Variants in SAP30L observed in about 807,000 individuals in gnomAD.
The protein encoded by SAP30L is histone deacetylase complex subunit SAP30L.
Under a neutral mutation model 22.3 loss-of-function variants are expected in SAP30L, and 10 were observed. That is an observed-to-expected ratio of 0.45 (90% confidence interval 0.28 to 0.76). SAP30L has a LOEUF of 0.76. SAP30L is among the 30% of genes least tolerant of loss of function. The pLI, the probability that SAP30L is intolerant of heterozygous loss-of-function variation, is 0.14. For missense variants in SAP30L, 206 were observed against 237.9 expected, an observed-to-expected ratio of 0.87 and a Z score of 0.88; for synonymous variants, 91 against 94.1, an observed-to-expected ratio of 0.97 and a Z score of 0.19.
intron 1 of SAP30L, 78 bp downstream of exon 1, chr5:154,446,883 C>T (rs1757026629): frequency 1.6e-6 from 2 of 1,270,382 alleles, no homozygotes; most frequent in African/African-American, 3.1e-5. Flanking sequence ...AGTCGGGACT[C>T]CCCGGGCACT....
chr5:154,453,331 G>A (rs945595826), intron 2 of SAP30L, 71 bp from the exon 3 acceptor site: 4 of 1,030,792 alleles, frequency 3.9e-6, no homozygotes, highest in African/African-American at 1.6e-5. Context: ...GTAGTGCTAG[G>A]CACATAGTGG....
chr5:154,454,352 G>A (rs1327137905), intron 3 of SAP30L, among the ~76,000 whole-genome samples: 3 of 152,072 alleles, frequency 2.0e-5, no homozygotes, highest in Admixed American at 6.6e-5. Context: ...GAACTGCCTG[G>A]CTTGATAATT....
chr5:154,458,917 A>G lies in SAP30L; in HGVS notation c.*2889A>G, dbSNP rs760833367. 1 of 152,254 alleles carries G rather than the reference A, an allele frequency of 6.6e-6. No individual in the cohort carries two copies. The highest frequency in any genetic ancestry group is 1.5e-5 in the Non-Finnish European group (1 of 68,046). The allele number at this position is 152,254 out of a possible 1,614,324, so 9.4% of individuals were successfully genotyped here. A position where few individuals can be genotyped will look rare whatever the true frequency, so the allele number is the denominator to read the frequency against. On this transcript the variant is annotated 3_prime_UTR_variant, in exon 4 of 4. Transcript: ENST00000297109. ...TAAAATGAAGAGGAATTTTACTTAC[A>G]TGTTACAGCTGCCAAGTTTTTAGAT... is the stretch of plus-strand genomic sequence containing the variant.
Position 154,446,644 on chromosome 5 carries a change from CCCCCCGCCGCCCCAG to C in SAP30L, c.42_56del (p.Pro15_Ala19del), listed in dbSNP as rs1561698924. 6.5e-7 allele frequency: 1 copy of C among 1,529,874 alleles called. No homozygotes were observed. Among genetic ancestry groups the C allele is most frequent in the Non-Finnish European group, 8.8e-7 (1 of 1,140,452 alleles). 94.8% of individuals were successfully genotyped at this position (1,529,874 alleles called of 1,614,324 possible). Reference sequence around the variant, plus strand: ...CACGGAGGAGGACAGCCGCGAAGGGCCCCCCGCCGCCCCAGCTGCCGCCGCCCCGGGCTACGGCCA... The same window carrying C: ...CACGGAGGAGGACAGCCGCGAAGGGCCTGCCGCCGCCCCGGGCTACGGCCA... On this transcript the variant is annotated inframe_deletion, in exon 1 of 4. Transcript: ENST00000297109.
At chr5:154,452,756 G>A (rs1757173512) in intron 2 of SAP30L, among the ~76,000 whole-genome samples, 3 of 152,200 alleles carry the variant, frequency 2.0e-5, no homozygotes, top group Admixed American at 2.0e-4. Flanking sequence ...CCTCCTTTGT[G>A]CTCCTCTATC....
At chr5:154,446,828 C>T in intron 1 of SAP30L, 23 bp downstream of exon 1, 2 of 1,581,112 alleles carry the variant, frequency 1.3e-6, no homozygotes, top group Non-Finnish European at 1.7e-6. Flanking sequence ...CCGCTCGCGT[C>T]TGGGCCCCGG....
At position 154,446,054 on chromosome 5, in the gene SAP30L, C is replaced by G. The variant is rs1387336300; in HGVS notation, c.-551C>G. 1 of 150,886 alleles carries G rather than the reference C, an allele frequency of 6.6e-6. No individual in the cohort carries two copies. The highest frequency in any genetic ancestry group is 2.4e-5 in the African/African-American group (1 of 41,138). 9.3% of individuals were successfully genotyped at this position (150,886 alleles called of 1,614,324 possible). On this transcript the variant is annotated 5_prime_UTR_variant, in exon 1 of 4. Coordinates refer to ENST00000297109, the MANE Select transcript of SAP30L (RefSeq NM_024632.6). ...GCGGCCCAGGGGCTGCCGCGGGACTCGGGGCGCAGCCGAGTGGCTGCAGGG... is the reference window on the plus strand; with the variant it reads ...GCGGCCCAGGGGCTGCCGCGGGACTGGGGGCGCAGCCGAGTGGCTGCAGGG...
In SAP30L at chr5:154,458,268, T is replaced by C. The variant is rs1757304958; in HGVS notation, c.*2240T>C. 6.6e-6 allele frequency: 1 copy of C among 152,258 alleles called. No individual in the cohort carries two copies. Among genetic ancestry groups the C allele is most frequent in the Admixed American group, 6.5e-5 (1 of 15,292 alleles). 9.4% of individuals were successfully genotyped at this position (152,258 alleles called of 1,614,324 possible). Reference sequence around the variant, plus strand: ...AGGTTGTGGGCATCTTTTCAACCTTTTCAATCTGACCTTTCAACAGGTCAG... The same window carrying C: ...AGGTTGTGGGCATCTTTTCAACCTTCTCAATCTGACCTTTCAACAGGTCAG... On this transcript the variant is annotated 3_prime_UTR_variant, in exon 4 of 4. Transcript: ENST00000297109.
chr5:154,459,070 A>ATATCC lies in SAP30L; in HGVS notation c.*3044_*3048dup, dbSNP rs1757321726. On this transcript the variant is annotated 3_prime_UTR_variant, in exon 4 of 4. Coordinates refer to ENST00000297109, the MANE Select transcript of SAP30L (RefSeq NM_024632.6). The stretch of plus-strand genomic sequence containing the variant: ...TTATTTTGTGGGAAGCTTTTTGTTA[A>ATATCC]TATCCTGCAGGGCAACTGCCTGTTG... 6.6e-6 allele frequency: 1 copy of ATATCC among 152,226 alleles called. No homozygotes were observed. Among genetic ancestry groups the ATATCC allele is most frequent in the African/African-American group, 2.4e-5 (1 of 41,464 alleles). The allele number at this position is 152,226 out of a possible 1,614,324, so 9.4% of individuals were successfully genotyped here.
chr5:154,449,406 A>G (rs1757092762), intron 1 of SAP30L, among the ~76,000 whole-genome samples: 1 of 152,106 alleles, frequency 6.6e-6, no homozygotes, highest in South Asian at 2.1e-4. Flanking sequence ...TAGAAAACGG[A>G]TTGGGGTCAA....
intron 1 of SAP30L, among the ~76,000 whole-genome samples, chr5:154,447,832 A>C (rs1317640830): frequency 6.6e-6 from 1 of 152,172 alleles, no homozygotes; most frequent in African/African-American, 2.4e-5. Flanking sequence ...TCAGGTACAC[A>C]CAGCACCTAA....
intron 2 of SAP30L, chr5:154,453,119 C>A: frequency 6.5e-6 from 2 of 308,112 alleles, no homozygotes; most frequent in East Asian, 1.2e-4. Context: ...CCCCTATTCC[C>A]TACCGTTTCT....
intron 1 of SAP30L, among the ~76,000 whole-genome samples, chr5:154,447,479 T>G (rs1027975874): frequency 2.6e-5 from 4 of 152,264 alleles, no homozygotes; most frequent in Non-Finnish European, 5.9e-5. Context: ...CTGCTCTTTG[T>G]GGCTTATTAT....
In SAP30L at chr5:154,446,322, GCCCCCGGCAGAAGGCTCCTCCGGGTGA is replaced by G; in HGVS notation, c.-274_-248del. On this transcript the variant is annotated 5_prime_UTR_variant, in exon 1 of 4. Coordinates refer to ENST00000297109, the MANE Select transcript of SAP30L (RefSeq NM_024632.6). The stretch of plus-strand genomic sequence containing the variant: ...CCCCGCTGCAGGGTTACGGTTCTGG[GCCCCCGGCAGAAGGCTCCTCCGGGTGA>G]CCCCCGGCGGGGCCCTGCGAGCCGC... The G allele has an allele frequency of 2.9e-6, 1 of 344,566 alleles. No homozygotes were observed. The highest frequency in any genetic ancestry group is 5.2e-6 in the Non-Finnish European group (1 of 191,598). 21.3% of individuals were successfully genotyped at this position (344,566 alleles called of 1,614,324 possible).
At chr5:154,452,598 C>A in intron 2 of SAP30L, 2 of 462,692 alleles carry the variant, frequency 4.3e-6, no homozygotes, top group Non-Finnish European at 5.7e-6. Context: ...CCCTTCCCCT[C>A]TGTTATCCAG....
At chr5:154,453,294 C>G (rs1163799416) in intron 2 of SAP30L, 108 bp from the exon 3 acceptor site, 1 of 737,764 alleles carries the variant, frequency 1.4e-6, no homozygotes, top group Non-Finnish European at 2.3e-6. Context: ...CTTTTGAAGC[C>G]CTCCCCATCC....
chr5:154,450,976 CT>C (rs1757125372), intron 1 of SAP30L, 114 bp from the exon 2 acceptor site: 1 of 1,102,108 alleles, frequency 9.1e-7, no homozygotes, highest in Admixed American at 2.1e-5. Flanking sequence ...TACATCTTGT[CT>C]TCCATCTATC....
chr5:154,454,749 G>T (rs1033684835), intron 3 of SAP30L, among the ~76,000 whole-genome samples: 2 of 152,198 alleles, frequency 1.3e-5, no homozygotes, highest in African/African-American at 4.8e-5. Flanking sequence ...TGGGGCAAGA[G>T]GAGACCTGCA....
Position 154,459,870 on chromosome 5 carries a change from A to G in SAP30L, c.*3842A>G, listed in dbSNP as rs565025913. The G allele has an allele frequency of 3.3e-5, 5 of 152,208 alleles. No individual in the cohort carries two copies. Among genetic ancestry groups the G allele is most frequent in the African/African-American group, 7.2e-5 (3 of 41,450 alleles). The allele number at this position is 152,208 out of a possible 1,614,324, so 9.4% of individuals were successfully genotyped here. Reference sequence around the variant, plus strand: ...TTGCACTGTTTTTGCTGAGAAAACAACGCTTCAGGACTTAAGGTCTAAGCG... The same window carrying G: ...TTGCACTGTTTTTGCTGAGAAAACAGCGCTTCAGGACTTAAGGTCTAAGCG... On this transcript the variant is annotated 3_prime_UTR_variant, in exon 4 of 4. Coordinates refer to ENST00000297109, the MANE Select transcript of SAP30L (RefSeq NM_024632.6).
Sources: allele counts gnomAD v4.1 joint callset (sites outside exome capture counted in the v4.1 genomes callset), GRCh38; gene constraint gnomAD v4.1.1; transcripts MANE v1.5; gene names NCBI Gene and HGNC (gene_info 2026-07-23, HGNC 2026-07-21).